Variants in UBE2G1 observed in about 807,000 individuals in gnomAD.
UBE2G1 encodes ubiquitin-conjugating enzyme E2 G1.
In UBE2G1, 5 loss-of-function variants were observed where a neutral mutation model predicts 22.7. The ratio of observed to expected loss-of-function variants is 0.22; its 90% CI spans 0.12 to 0.46. The LOEUF (loss-of-function observed/expected upper bound fraction) is 0.46. Ranked by LOEUF, UBE2G1 falls within the 20% of genes least tolerant of loss-of-function variation. UBE2G1 has a pLI of 0.99. For synonymous variants in UBE2G1, 74 were observed against 67.5 expected, an observed-to-expected ratio of 1.10 and a Z score of -0.47; for missense variants, 88 against 203.9, an observed-to-expected ratio of 0.43 and a Z score of 3.46.
chr17:4,363,948 C>T (rs1300571321), intron 1 of UBE2G1, among the ~76,000 whole-genome samples: 2 of 63,776 alleles, frequency 3.1e-5, no homozygotes, highest in Non-Finnish European at 5.0e-5. Context: ...AAGACTCCGT[C>T]TCAAAAAAAA....
At chr17:4,338,323 AAT>A (rs1190692776) in intron 1 of UBE2G1, among the ~76,000 whole-genome samples, 1 of 152,212 alleles carries the variant, frequency 6.6e-6, no homozygotes, top group Non-Finnish European at 1.5e-5. Flanking sequence ...ATAAGTATAA[AAT>A]ATGTTTCCAG....
At chr17:4,304,884 C>T (rs1969229969) in intron 2 of UBE2G1, among the ~76,000 whole-genome samples, 1 of 151,864 alleles carries the variant, frequency 6.6e-6, no homozygotes, top group Non-Finnish European at 1.5e-5. Context: ...AAGATGGCCT[C>T]TACTCTCTCC....
chr17:4,276,613 G>A (rs1567513042), intron 5 of UBE2G1, among the ~76,000 whole-genome samples: 1 of 151,168 alleles, frequency 6.6e-6, no homozygotes, highest in Non-Finnish European at 1.5e-5. Flanking sequence ...AAATGTGTTA[G>A]AAATAACTAT....
intron 1 of UBE2G1, among the ~76,000 whole-genome samples, chr17:4,337,240 T>C (rs765041080): frequency 4.1e-5 from 6 of 146,516 alleles, no homozygotes; most frequent in Non-Finnish European, 9.0e-5. Context: ...ATTTGAGAGG[T>C]TGAGGTGGGA....
intron 5 of UBE2G1, among the ~76,000 whole-genome samples, chr17:4,282,249 A>G (rs1220988459): frequency 6.6e-6 from 1 of 151,912 alleles, no homozygotes; most frequent in Non-Finnish European, 1.5e-5. Flanking sequence ...GGCCTGGCTA[A>G]TTTTTGTATT....
At chr17:4,341,945 T>C (rs1969717530) in intron 1 of UBE2G1, among the ~76,000 whole-genome samples, 1 of 152,228 alleles carries the variant, frequency 6.6e-6, no homozygotes, top group Non-Finnish European at 1.5e-5. Context: ...TTCTGGTTAC[T>C]TATCTGGCTT....
chr17:4,316,849 A>C (rs1369839388), intron 1 of UBE2G1, among the ~76,000 whole-genome samples: 2 of 150,148 alleles, frequency 1.3e-5, no homozygotes, highest in African/African-American at 2.5e-5. Context: ...CTGAGTCAGG[A>C]GGACTGTTTG....
chr17:4,361,738 A>G (rs886240919), intron 1 of UBE2G1, among the ~76,000 whole-genome samples: 1 of 152,000 alleles, frequency 6.6e-6, no homozygotes, highest in African/African-American at 2.4e-5. Context: ...CAGGAGTTCA[A>G]GACCAGCCTG....
chr17:4,366,443 G>A lies in UBE2G1; in HGVS notation c.-127C>T. 1 of 999,480 alleles carries A rather than the reference G, an allele frequency of 1.0e-6. No individual in the cohort carries two copies. Among genetic ancestry groups the A allele is most frequent in the Non-Finnish European group, 1.3e-6 (1 of 751,430 alleles). The allele number at this position is 999,480 out of a possible 1,614,324, so 61.9% of individuals were successfully genotyped here. The stretch of plus-strand genomic sequence containing the variant: ...CGACCGGAGCGCCGGAGCCGAGGAA[G>A]GCCGGGCTGAGGCGGCGGGAGCGGC... On this transcript the variant is annotated 5_prime_UTR_variant, in exon 1 of 6. Coordinates refer to ENST00000396981, the MANE Select transcript of UBE2G1 (RefSeq NM_003342.5).
At chr17:4,350,149 T>C (rs769975281) in intron 1 of UBE2G1, among the ~76,000 whole-genome samples, 4 of 152,166 alleles carry the variant, frequency 2.6e-5, no homozygotes, top group African/African-American at 4.8e-5. Flanking sequence ...TTACATATTA[T>C]GGCTAATGTA....
rs572838644 is a variant in UBE2G1, at chr17:4,326,991, G to A, written c.47-19868C>T. ...AGCCAGGCCAACATGGCAAAACCAC[G>A]TCTCTACTAAAATACAAAAATTGGC... On this transcript the variant is annotated intron_variant, in intron 1 of 5. Transcript: ENST00000396981. 1.4e-4 allele frequency among the ~76,000 whole-genome samples: 22 copies of A among 152,226 alleles called. No homozygotes were observed. The South Asian group carries it at 3.5e-3, about 24-fold the overall frequency.
intron 5 of UBE2G1, among the ~76,000 whole-genome samples, chr17:4,278,700 G>A (rs1968849409): frequency 6.6e-6 from 1 of 152,178 alleles, no homozygotes; most frequent in African/African-American, 2.4e-5. Context: ...GGTACTTACT[G>A]AGGCATTTAC....
chr17:4,337,331 AAAG>A (rs1373196133), intron 1 of UBE2G1, among the ~76,000 whole-genome samples: 3 of 143,872 alleles, frequency 2.1e-5, no homozygotes, highest in Non-Finnish European at 4.5e-5. Context: ...AAAAAAAAAA[AAAG>A]AAAAGAAAAG....
intron 1 of UBE2G1, among the ~76,000 whole-genome samples, chr17:4,365,719 G>A (rs2143845221): frequency 6.6e-6 from 1 of 152,192 alleles, no homozygotes; most frequent in East Asian, 1.9e-4. Context: ...CCGCGTGGAG[G>A]CCGCCGAGGC....
rs1011971005 is a variant in UBE2G1 at position 4,272,508 on chromosome 17, A to G, written c.*46T>C. ...AGGAAAAACAGTGCCATGTTTCTCA[A>G]TTGGAGACCTACAACAACAAAAACA... On this transcript the variant is annotated 3_prime_UTR_variant, in exon 6 of 6. Coordinates refer to ENST00000396981, the MANE Select transcript of UBE2G1 (RefSeq NM_003342.5). The G allele has an allele frequency of 1.6e-5, 3 of 186,640 alleles. No homozygotes were observed. The highest frequency in any genetic ancestry group is 7.2e-5 in the African/African-American group (3 of 41,574). 11.6% of individuals were successfully genotyped at this position (186,640 alleles called of 1,614,324 possible). A position where few individuals can be genotyped will look rare whatever the true frequency, so the allele number is the denominator to read the frequency against.
At chr17:4,309,123 G>A (rs1319945018) in intron 1 of UBE2G1, among the ~76,000 whole-genome samples, 1 of 152,182 alleles carries the variant, frequency 6.6e-6, no homozygotes, top group Non-Finnish European at 1.5e-5. Flanking sequence ...GGCCGGGCAT[G>A]GAGGCGGACA....
chr17:4,304,748 A>C (rs942153200), intron 2 of UBE2G1, among the ~76,000 whole-genome samples: 1 of 152,070 alleles, frequency 6.6e-6, no homozygotes, highest in African/African-American at 2.4e-5. Context: ...ATCTGAGCCT[A>C]TACTAATTTA....
chr17:4,300,163 A>G (rs1969158928), intron 2 of UBE2G1, among the ~76,000 whole-genome samples: 1 of 152,022 alleles, frequency 6.6e-6, no homozygotes, highest in Non-Finnish European at 1.5e-5. Context: ...AAGTTAGCAA[A>G]GAGAAAGCCC....
intron 1 of UBE2G1, among the ~76,000 whole-genome samples, chr17:4,311,984 C>T (rs889243723): frequency 3.9e-5 from 6 of 152,048 alleles, no homozygotes; most frequent in Admixed American, 3.3e-4. Flanking sequence ...CGGTGGCTCC[C>T]GCCTGTAATC....
Sources: allele counts gnomAD v4.1 joint callset (sites outside exome capture counted in the v4.1 genomes callset), GRCh38; gene constraint gnomAD v4.1.1; transcripts MANE v1.5; gene names NCBI Gene and HGNC (gene_info 2026-07-23, HGNC 2026-07-21).